ZC3H12B: variants seen among roughly 807,000 people sequenced by gnomAD.
ZC3H12B encodes the protein probable ribonuclease ZC3H12B.
ZC3H12B carries 7 observed loss-of-function variants against 43.9 expected under a neutral mutation model. That is an observed-to-expected ratio of 0.16 (90% CI 0.09 to 0.30). ZC3H12B has a LOEUF of 0.30. Among genes scored for constraint, ZC3H12B ranks in the 10% least tolerant of loss-of-function variants. The probability of loss-of-function intolerance (pLI) is 1.00; values close to 1 mark genes in which losing one functional copy is unlikely to be tolerated. For synonymous variants in ZC3H12B, 222 were observed against 241.7 expected (o/e 0.92, Z 0.76); for missense variants, 475 against 670.2 (o/e 0.71, Z 3.22).
chrX:65,331,062 G>T, the ZC3H12B span: 1 of 324,583 alleles, frequency 3.1e-6, no homozygotes, highest in South Asian at 3.3e-5. Context: ...TCTGTTCTCT[G>T]GAATGATTCA....
At chrX:65,188,392 A>G in the ZC3H12B span, among the ~76,000 whole-genome samples, 3 of 103,438 alleles carry the variant, frequency 2.9e-5, no homozygotes, top group African/African-American at 1.1e-4. Context: ...AAGCCTTCAA[A>G]CTATTATTCA....
In ZC3H12B at chrX:65,373,988, A is replaced by G. The variant is rs1361017141; in HGVS notation, n.295+4990A>G. 1.4e-3 allele frequency among the ~76,000 whole-genome samples: 62 copies of G among 45,470 alleles called. 4 individuals are homozygous for G. Among genetic ancestry groups the G allele is most frequent in the African/African-American group, 0.01 (59 of 5,702 alleles). 39.5% of individuals were successfully genotyped at this position (45,470 alleles called of 115,157 possible). On this transcript the variant is annotated intron_variant and non_coding_transcript_variant, in intron 2 of 5. Coordinates refer to the ZC3H12B transcript ENST00000617377. ...TATATATAGTATATATATATACTAT[A>G]TATATATAGTATATATATATAACTA... is the stretch of plus-strand genomic sequence containing the variant.
At chrX:65,414,670 T>C (rs982116316) in intron 3 of ZC3H12B, among the ~76,000 whole-genome samples, 18 of 111,315 alleles carry the variant, frequency 1.6e-4, no homozygotes, top group African/African-American at 5.9e-4. Flanking sequence ...ACAAGGAGTA[T>C]GGCCTTCAGA....
the ZC3H12B span, among the ~76,000 whole-genome samples, chrX:65,197,325 G>A: frequency 1.5e-4 from 17 of 112,161 alleles, no homozygotes; most frequent in East Asian, 4.5e-3. Flanking sequence ...AGCTCTGCAG[G>A]CAACCCAAGG....
the ZC3H12B span, among the ~76,000 whole-genome samples, chrX:65,321,737 T>C: frequency 9.1e-6 from 1 of 109,820 alleles, no homozygotes; most frequent in African/African-American, 3.3e-5. Flanking sequence ...AACATGTCCT[T>C]TGCAGGGACA....
At chrX:65,040,365 AT>A in the ZC3H12B span, among the ~76,000 whole-genome samples, 1 of 101,927 alleles carries the variant, frequency 9.8e-6, no homozygotes, top group Non-Finnish European at 1.9e-5. Flanking sequence ...TAGGACTATC[AT>A]TAACTGTTTT....
chrX:65,225,136 AGACT>A, the ZC3H12B span, among the ~76,000 whole-genome samples: 4 of 111,650 alleles, frequency 3.6e-5, no homozygotes, highest in African/African-American at 6.5e-5. Context: ...CAGTAGGGGC[AGACT>A]GACAACTCAC....
the ZC3H12B span, among the ~76,000 whole-genome samples, chrX:65,230,500 A>G: frequency 9.2e-6 from 1 of 108,254 alleles, no homozygotes; most frequent in African/African-American, 3.4e-5. Context: ...TAACCTGCAC[A>G]TTGTGCACAT....
At position 65,502,713 on chromosome X, in the gene ZC3H12B, C is replaced by G. The variant is rs759804399; in HGVS notation, c.2015C>G (p.Ser672Cys). ...CAGCACCCATCAACTGGAACACGTT[C>G]CAGCTGTCCTGCAGACTACCCCATG... The change falls in exon 5 of 5, where the codon TCC (serine) becomes TGC (cysteine). Residue 672 changes from serine (S) to cysteine (C), a missense_variant. By Grantham distance (112) the Ser-to-Cys change is moderately radical. This residue lies in a region of ZC3H12B where 289 missense variants were observed against 359.9 expected (regional missense o/e 0.80). Coordinates refer to ENST00000338957, the Ensembl canonical transcript of ZC3H12B. 5 of 1,210,789 alleles carry G rather than the reference C, an allele frequency of 4.1e-6. No individual in the cohort carries two copies. In the South Asian group the frequency reaches 5.3e-5, roughly 13 times the overall value.
the ZC3H12B span, among the ~76,000 whole-genome samples, chrX:65,152,913 C>G: frequency 1.2e-4 from 13 of 111,543 alleles, no homozygotes; most frequent in South Asian, 4.5e-3. Context: ...GAACAGAGCC[C>G]TCAGAAGTAA....
At chrX:65,072,377 T>C in the ZC3H12B span, among the ~76,000 whole-genome samples, 24 of 112,460 alleles carry the variant, frequency 2.1e-4, no homozygotes, top group African/African-American at 7.8e-4. Context: ...TTTCTAATGT[T>C]GTTTCTGTAA....
At chrX:65,239,054 A>G in the ZC3H12B span, among the ~76,000 whole-genome samples, 1,411 of 112,162 alleles carry the variant, frequency 0.013, 5 homozygotes, top group Middle Eastern at 0.032. Flanking sequence ...AAGAATGTGC[A>G]TTCTGTTGTT....
the ZC3H12B span, among the ~76,000 whole-genome samples, chrX:65,050,123 T>G: frequency 9.0e-6 from 1 of 111,525 alleles, no homozygotes; most frequent in South Asian, 3.7e-4. Flanking sequence ...ATAAAAGCTC[T>G]TTGTCACCTT....
At chrX:65,235,902 C>T in the ZC3H12B span, among the ~76,000 whole-genome samples, 1 of 111,336 alleles carries the variant, frequency 9.0e-6, no homozygotes, top group Admixed American at 9.5e-5. Context: ...GAATAAAGTA[C>T]ATGGACACCA....
chrX:65,043,849 G>A, the ZC3H12B span, among the ~76,000 whole-genome samples: 17 of 111,914 alleles, frequency 1.5e-4, no homozygotes, highest in African/African-American at 5.5e-4. Context: ...ACTTAAAGAA[G>A]CAATGATATA....
At chrX:65,126,159 C>T in the ZC3H12B span, among the ~76,000 whole-genome samples, 3 of 109,372 alleles carry the variant, frequency 2.7e-5, no homozygotes, top group Non-Finnish European at 3.8e-5. Context: ...CTCCTTTTAG[C>T]AGTTCTTGTA....
chrX:65,353,707 C>T, the ZC3H12B span, among the ~76,000 whole-genome samples: 1 of 112,011 alleles, frequency 8.9e-6, no homozygotes, highest in African/African-American at 3.2e-5. Flanking sequence ...AAGCTAAGAT[C>T]CACTGGCTTG....
chrX:65,171,963 G>T, the ZC3H12B span, among the ~76,000 whole-genome samples: 1 of 112,357 alleles, frequency 8.9e-6, no homozygotes, highest in Middle Eastern at 4.6e-3. Flanking sequence ...GGCTAGGAAA[G>T]GGAATTCCCC....
chrX:65,279,525 G>A, the ZC3H12B span, among the ~76,000 whole-genome samples: 1 of 110,845 alleles, frequency 9.0e-6, no homozygotes, highest in African/African-American at 3.3e-5. Context: ...ATATGCAGAA[G>A]ATTTAAGCTG....
Sources: gnomAD v4.1 joint callset for allele counts (sites outside exome capture counted in the v4.1 genomes callset) on GRCh38, gnomAD v4.1.1 for gene constraint, gnomAD v4.1.1 regional missense constraint, MANE v1.5 for transcripts, NCBI Gene and HGNC (gene_info 2026-07-23, HGNC 2026-07-21) for gene names.